Variants in ERC2 observed in about 807,000 individuals in gnomAD.
ERC2 encodes ERC protein 2.
A neutral mutation model predicts 114.8 loss-of-function variants in ERC2; 42 were observed. The ratio of observed to expected loss-of-function variants is 0.37; its 90% CI spans 0.29 to 0.47. The LOEUF (loss-of-function observed/expected upper bound fraction) is 0.47, where lower values mean the gene tolerates loss of function less well. Among genes scored for constraint, ERC2 ranks in the 20% least tolerant of loss-of-function variants. ERC2 has a pLI of 0.99. For synonymous variants in ERC2, 454 were observed against 425.5 expected, an observed-to-expected ratio of 1.07 and a Z score of -0.82; for missense variants, 939 against 1,150.7, an observed-to-expected ratio of 0.82 and a Z score of 2.66.
At chr3:56,299,003 C>A (rs1301296887) in intron 2 of ERC2, among the ~76,000 whole-genome samples, 1 of 151,988 alleles carries the variant, frequency 6.6e-6, no homozygotes. Flanking sequence ...GATGCGGCTG[C>A]AGCCAAGACT....
At chr3:55,827,881 G>C (rs1232799088) in intron 14 of ERC2, among the ~76,000 whole-genome samples, 6 of 152,222 alleles carry the variant, frequency 3.9e-5, no homozygotes, top group African/African-American at 1.4e-4. Context: ...CCTCATGAGA[G>C]ACTGTCATTT....
intron 14 of ERC2, among the ~76,000 whole-genome samples, chr3:55,827,427 AGAGG>A (rs1245200258): frequency 6.6e-6 from 1 of 151,810 alleles, no homozygotes; most frequent in African/African-American, 2.4e-5. Context: ...GGAAGAAAAG[AGAGG>A]GAGGGAGGGA....
At chr3:55,528,172 C>T (rs1226896610) in intron 17 of ERC2, among the ~76,000 whole-genome samples, 1 of 152,138 alleles carries the variant, frequency 6.6e-6, no homozygotes, top group Non-Finnish European at 1.5e-5. Context: ...CAACAGGTTC[C>T]TTTAGAACAA....
chr3:56,180,264 T>C (rs2083217223), intron 3 of ERC2, among the ~76,000 whole-genome samples: 1 of 152,138 alleles, frequency 6.6e-6, no homozygotes, highest in East Asian at 1.9e-4. Context: ...GCATGTGCTG[T>C]GGAAGAACAG....
At chr3:56,425,117 T>C (rs2061517023) in intron 2 of ERC2, among the ~76,000 whole-genome samples, 1 of 152,144 alleles carries the variant, frequency 6.6e-6, no homozygotes, top group Admixed American at 6.6e-5. Context: ...CCACTTCCTT[T>C]AGAGAACTGC....
intron 16 of ERC2, among the ~76,000 whole-genome samples, chr3:55,698,841 T>C (rs1230543785): frequency 6.6e-6 from 1 of 152,176 alleles, no homozygotes; most frequent in African/African-American, 2.4e-5. Context: ...TCAATCCATC[T>C]TTTCACATGC....
intron 17 of ERC2, among the ~76,000 whole-genome samples, chr3:55,602,787 T>C (rs2058466276): frequency 6.6e-6 from 1 of 152,200 alleles, no homozygotes; most frequent in Non-Finnish European, 1.5e-5. Context: ...TTTCATTTCA[T>C]GGTCTTAACC....
chr3:55,699,040 G>T (rs2148822808), intron 16 of ERC2, among the ~76,000 whole-genome samples: 1 of 152,252 alleles, frequency 6.6e-6, no homozygotes, highest in South Asian at 2.1e-4. Flanking sequence ...CAAGCTCATG[G>T]AAACAAAGTG....
intron 7 of ERC2, among the ~76,000 whole-genome samples, chr3:56,068,755 C>G (rs1191132152): frequency 6.6e-6 from 1 of 152,176 alleles, no homozygotes; most frequent in Admixed American, 6.5e-5. Context: ...TCTTTGCTCT[C>G]ATTGGTTTCA....
At chr3:55,736,236 G>T (rs1417010786) in intron 14 of ERC2, among the ~76,000 whole-genome samples, 6 of 152,104 alleles carry the variant, frequency 3.9e-5, no homozygotes, top group Non-Finnish European at 7.3e-5. Context: ...TTTTATTGAT[G>T]CTTGCAACAC....
At chr3:56,038,733 C>T (rs1199866346) in intron 7 of ERC2, among the ~76,000 whole-genome samples, 2 of 152,158 alleles carry the variant, frequency 1.3e-5, no homozygotes, top group East Asian at 1.9e-4. Context: ...TACATATACA[C>T]CATGGAATAT....
chr3:55,541,661 A>G (rs890135900), intron 17 of ERC2, among the ~76,000 whole-genome samples: 2 of 152,224 alleles, frequency 1.3e-5, no homozygotes, highest in Non-Finnish European at 2.9e-5. Flanking sequence ...CTTCTCCAAC[A>G]TAAAAATTGG....
At chr3:56,463,690 CT>C (rs766394476) in intron 1 of ERC2, among the ~76,000 whole-genome samples, 6 of 152,262 alleles carry the variant, frequency 3.9e-5, no homozygotes, top group Non-Finnish European at 7.4e-5. Flanking sequence ...TGTAATTCAC[CT>C]TTCTTACTCT....
At chr3:55,992,616 G>A (rs1379659259) in intron 10 of ERC2, among the ~76,000 whole-genome samples, 1 of 152,164 alleles carries the variant, frequency 6.6e-6, no homozygotes, top group African/African-American at 2.4e-5. Context: ...CAGTTAAGGA[G>A]GTGATTCATA....
At chr3:56,422,633 C>T (rs2061428369) in intron 2 of ERC2, among the ~76,000 whole-genome samples, 1 of 152,196 alleles carries the variant, frequency 6.6e-6, no homozygotes, top group South Asian at 2.1e-4. Context: ...GCTTACTCCA[C>T]TCTATCTTAG....
At chr3:55,598,880 T>A (rs2058271582) in intron 17 of ERC2, among the ~76,000 whole-genome samples, 1 of 141,306 alleles carries the variant, frequency 7.1e-6, no homozygotes, top group Non-Finnish European at 1.6e-5. Context: ...CAGAAGGAGC[T>A]ATGCTAGAAT....
At chr3:56,190,860 G>A (rs1467969904) in intron 3 of ERC2, among the ~76,000 whole-genome samples, 1 of 152,112 alleles carries the variant, frequency 6.6e-6, no homozygotes, top group African/African-American at 2.4e-5. Flanking sequence ...AGATATGAGT[G>A]ACTGCACCCA....
At chr3:55,650,767 T>C (rs2060584000) in intron 17 of ERC2, among the ~76,000 whole-genome samples, 1 of 152,166 alleles carries the variant, frequency 6.6e-6, no homozygotes, top group Admixed American at 6.5e-5. Flanking sequence ...AAGCCTTCTA[T>C]GAATCACCTA....
chr3:56,196,906 A>G (rs2048141831), intron 3 of ERC2, among the ~76,000 whole-genome samples: 1 of 152,172 alleles, frequency 6.6e-6, no homozygotes, highest in African/African-American at 2.4e-5. Context: ...ATCCCTGGGA[A>G]TAACACTGCT....
Sources: allele counts gnomAD v4.1 joint callset (sites outside exome capture counted in the v4.1 genomes callset), GRCh38; gene constraint gnomAD v4.1.1; transcripts MANE v1.5; gene names NCBI Gene and HGNC (gene_info 2026-07-23, HGNC 2026-07-21).